The following CAMKMT variants were observed in gnomAD, a reference collection of about 807,000 sequenced individuals.
CAMKMT encodes calmodulin-lysine N-methyltransferase.
Under a neutral mutation model 48.0 loss-of-function variants are expected in CAMKMT, and 53 were observed. That is an observed-to-expected ratio of 1.10 (90% CI 0.89 to 1.39). CAMKMT has a LOEUF of 1.39. CAMKMT is among the 40% of genes most tolerant of loss of function. CAMKMT has a pLI of 0.00. For missense variants in CAMKMT, 428 were observed against 402.7 expected (o/e 1.06, Z -0.54); for synonymous variants, 165 against 152.3 (o/e 1.08, Z -0.61).
chr2:44,503,509 G>C (rs1426653764), intron 3 of CAMKMT, among the ~76,000 whole-genome samples: 2 of 152,130 alleles, frequency 1.3e-5, no homozygotes, highest in Non-Finnish European at 2.9e-5. Flanking sequence ...GCAGGCTTGA[G>C]ATGTCATAGA....
chr2:44,372,576 G>C, intron 1 of CAMKMT, 140 bp from the exon 2 acceptor site: 3 of 617,068 alleles, frequency 4.9e-6, no homozygotes, highest in Non-Finnish European at 8.3e-6. Flanking sequence ...GTTATCTTCA[G>C]TAGGAGATAT....
rs920593573 is a variant in CAMKMT, at chr2:44,754,085, T to C, written c.729T>C (p.Leu243=). 6.2e-7 allele frequency: 1 copy of C among 1,614,054 alleles called. No homozygotes were observed. The highest frequency in any genetic ancestry group is 8.5e-7 in the Non-Finnish European group (1 of 1,179,912). Residue 243 remains leucine, a synonymous_variant, in exon 9 of 11, where the codon CTT becomes CTC. Transcript: ENST00000378494. ...TTCTGGACCAGTACAGAGCCAGCCT[T>C]GTTGATGCAATAAAGAGATTACTCC... is the stretch of plus-strand genomic sequence containing the variant. The part of the protein sequence containing the change: ...CLFLDQYRAS[L]VDAIKRLLQP...
chr2:44,444,271 G>A (rs912767133), intron 3 of CAMKMT, among the ~76,000 whole-genome samples: 3 of 152,150 alleles, frequency 2.0e-5, no homozygotes, highest in African/African-American at 2.4e-5. Flanking sequence ...TGAGGCGACA[G>A]AAATGAAATC....
intron 10 of CAMKMT, among the ~76,000 whole-genome samples, chr2:44,771,023 T>C (rs561549720): frequency 3.5e-4 from 54 of 152,338 alleles, no homozygotes; most frequent in East Asian, 9.6e-4. Context: ...AGTGACAGCA[T>C]GTCCATGTCA....
intron 3 of CAMKMT, among the ~76,000 whole-genome samples, chr2:44,613,871 C>T (rs954146014): frequency 5.3e-5 from 8 of 152,158 alleles, no homozygotes; most frequent in African/African-American, 1.9e-4. Context: ...TCACGTCCGT[C>T]TCTATGGAAT....
chr2:44,552,719 A>C (rs1387585190), intron 3 of CAMKMT, among the ~76,000 whole-genome samples: 1 of 152,240 alleles, frequency 6.6e-6, no homozygotes, highest in African/African-American at 2.4e-5. Context: ...AGAGAGGCTT[A>C]AGTAATTTGT....
chr2:44,604,269 T>C (rs371691718), intron 3 of CAMKMT, among the ~76,000 whole-genome samples: 2 of 152,242 alleles, frequency 1.3e-5, no homozygotes, highest in African/African-American at 4.8e-5. Flanking sequence ...ATTACTTTTC[T>C]TGTTTGTTTA....
chr2:44,453,538 A>G (rs1667404845), intron 3 of CAMKMT, among the ~76,000 whole-genome samples: 1 of 152,122 alleles, frequency 6.6e-6, no homozygotes, highest in Admixed American at 6.6e-5. Flanking sequence ...AACAGAAGAA[A>G]TTCAAGTTGA....
intron 3 of CAMKMT, among the ~76,000 whole-genome samples, chr2:44,492,993 A>C (rs980553303): frequency 2.0e-5 from 3 of 151,508 alleles, no homozygotes; most frequent in Non-Finnish European, 2.9e-5. Context: ...TCCTGGGTTC[A>C]AGCGATTCTC....
intron 3 of CAMKMT, among the ~76,000 whole-genome samples, chr2:44,417,117 C>G (rs879794033): frequency 6.6e-6 from 1 of 151,848 alleles, no homozygotes; most frequent in African/African-American, 2.4e-5. Context: ...TTTTTATTCC[C>G]GAGTAGTATT....
At chr2:44,385,827 C>G (rs1680733443) in intron 2 of CAMKMT, among the ~76,000 whole-genome samples, 1 of 152,212 alleles carries the variant, frequency 6.6e-6, no homozygotes, top group South Asian at 2.1e-4. Flanking sequence ...ATGAAACCCA[C>G]TTGATCATGG....
rs1245596041 is a variant in CAMKMT, at chr2:44,766,421, C to G, written c.763-9C>G. The G allele has an allele frequency of 1.2e-6, 2 of 1,612,568 alleles. No individual in the cohort carries two copies. Among genetic ancestry groups the G allele is most frequent in the South Asian group, 2.2e-5 (2 of 90,678 alleles). ...TTAAAATATGTGAATTTCCTTTTTA[C>G]TGTTCTAGGGGAAAGCGATGGTATT... On this transcript the variant is annotated splice_polypyrimidine_tract_variant and intron_variant, in intron 9 of 10. Transcript: ENST00000378494.
intron 3 of CAMKMT, among the ~76,000 whole-genome samples, chr2:44,469,747 T>G (rs1323284832): frequency 1.3e-5 from 2 of 152,138 alleles, no homozygotes; most frequent in Non-Finnish European, 2.9e-5. Flanking sequence ...TGCATCTGTC[T>G]CCTCACATTT....
chr2:44,580,068 A>AT (rs1308249118), intron 3 of CAMKMT, among the ~76,000 whole-genome samples: 4 of 152,072 alleles, frequency 2.6e-5, no homozygotes, highest in Admixed American at 6.5e-5. Context: ...GCACCCAGGG[A>AT]TTCTTGTACC....
chr2:44,678,014 A>G (rs889338818), intron 3 of CAMKMT, among the ~76,000 whole-genome samples: 7 of 152,134 alleles, frequency 4.6e-5, no homozygotes, highest in Admixed American at 1.3e-4. Flanking sequence ...AAATTTTACA[A>G]TGGGAAATAA....
At chr2:44,697,783 GC>G (rs1677035693) in intron 3 of CAMKMT, among the ~76,000 whole-genome samples, 1 of 152,020 alleles carries the variant, frequency 6.6e-6, no homozygotes, top group Non-Finnish European at 1.5e-5. Flanking sequence ...AGAGATAAAA[GC>G]AAAAAATGCT....
At chr2:44,381,642 A>G (rs1572693555) in intron 2 of CAMKMT, among the ~76,000 whole-genome samples, 1 of 152,350 alleles carries the variant, frequency 6.6e-6, no homozygotes, top group East Asian at 1.9e-4. Flanking sequence ...AGCCATTAAA[A>G]TCATATTATG....
intron 8 of CAMKMT, among the ~76,000 whole-genome samples, chr2:44,744,448 A>G (rs934020964): frequency 1.3e-5 from 2 of 152,110 alleles, no homozygotes; most frequent in African/African-American, 4.8e-5. Flanking sequence ...AACTAATCTT[A>G]TGTATTTCTT....
intron 7 of CAMKMT, among the ~76,000 whole-genome samples, chr2:44,726,547 A>G (rs1034148850): frequency 1.3e-5 from 2 of 152,210 alleles, no homozygotes; most frequent in African/African-American, 4.8e-5. Context: ...GTTTACAAAT[A>G]TGTGCTCCCA....
Sources: allele counts gnomAD v4.1 joint callset (sites outside exome capture counted in the v4.1 genomes callset), GRCh38; gene constraint gnomAD v4.1.1; transcripts MANE v1.5; gene names NCBI Gene and HGNC (gene_info 2026-07-23, HGNC 2026-07-21).